RYK: variants seen among roughly 807,000 people sequenced by gnomAD.
The protein encoded by RYK is receptor like tyrosine kinase.
RYK carries 21 observed loss-of-function variants against 70.2 expected under a neutral mutation model. That is an observed-to-expected ratio of 0.30 (90% CI 0.21 to 0.43). RYK has a LOEUF of 0.43. Among genes scored for constraint, RYK ranks in the 20% least tolerant of loss-of-function variants. The probability of loss-of-function intolerance (pLI) is 1.00; values close to 1 mark genes in which losing one functional copy is unlikely to be tolerated. For synonymous variants in RYK, 267 were observed against 278.0 expected (o/e 0.96, Z 0.39); for missense variants, 604 against 753.3 (o/e 0.80, Z 2.32).
At chr3:134,177,917 G>T in intron 11 of RYK, 24 bp downstream of exon 11, 2 of 1,592,048 alleles carry the variant, frequency 1.3e-6, no homozygotes, top group Non-Finnish European at 1.7e-6. Context: ...GTAAATAATT[G>T]GTATTTGGGC....
In RYK at chr3:134,236,054, G is replaced by GA. The variant is rs544972657; in HGVS notation, c.233-13516dup. On this transcript the variant is annotated intron_variant, in intron 1 of 14. Coordinates refer to ENST00000623711, the MANE Select transcript of RYK (RefSeq NM_002958.4). ...AACTGGGACACCCGCATGGTCAAAG[G>GA]AAAAAAAAAATCAGGGTAGGTTCTA... 1.6e-3 allele frequency among the ~76,000 whole-genome samples: 232 copies of GA among 147,818 alleles called. 6 individuals are homozygous for GA. In the South Asian group the frequency reaches 0.031, roughly 20 times the overall value.
chr3:134,162,216 G>C (rs1427843190), intron 13 of RYK, among the ~76,000 whole-genome samples: 1 of 150,348 alleles, frequency 6.7e-6, no homozygotes, highest in Non-Finnish European at 1.5e-5. Flanking sequence ...TGAGGTACTG[G>C]GGGTTAGGGC....
chr3:134,179,658 G>GCTGTA (rs1560005109), intron 10 of RYK: 1 of 152,202 alleles, frequency 6.6e-6, no homozygotes, highest in East Asian at 1.9e-4. Flanking sequence ...GAGCAAGGGA[G>GCTGTA]ATCACATGGG....
intron 1 of RYK, among the ~76,000 whole-genome samples, chr3:134,245,573 G>T (rs1234319567): frequency 6.6e-6 from 1 of 152,056 alleles, no homozygotes. Flanking sequence ...CTAGACAAGG[G>T]GGGAGCCACC....
At chr3:134,246,749 T>G (rs2015478062) in intron 1 of RYK, among the ~76,000 whole-genome samples, 1 of 152,150 alleles carries the variant, frequency 6.6e-6, no homozygotes, top group African/African-American at 2.4e-5. Flanking sequence ...CTCCCATCAT[T>G]CCTTCCTAAG....
At chr3:134,172,937 G>A (rs562734558) in intron 13 of RYK, among the ~76,000 whole-genome samples, 2 of 152,238 alleles carry the variant, frequency 1.3e-5, no homozygotes, top group Non-Finnish European at 2.9e-5. Flanking sequence ...TGGACAACAT[G>A]AAACAGGTTG....
chr3:134,231,753 C>T (rs898929890), intron 1 of RYK, among the ~76,000 whole-genome samples: 1 of 152,186 alleles, frequency 6.6e-6, no homozygotes, highest in Non-Finnish European at 1.5e-5. Context: ...GCCATGGCCA[C>T]TTCAGATGAC....
chr3:134,205,479 T>C lies in RYK; in HGVS notation c.643+1993A>G, dbSNP rs143869141. On this transcript the variant is annotated intron_variant, in intron 5 of 14. Transcript: ENST00000623711. ...TTACCTTATGCCACAGGAAAGCTATTCAATCTTGGGAGGGACAGAAAAAAA... is the reference window on the plus strand; with the variant it reads ...TTACCTTATGCCACAGGAAAGCTATCCAATCTTGGGAGGGACAGAAAAAAA... Among the ~76,000 whole-genome samples the C allele has an allele frequency of 2.9e-3, 446 of 152,294 alleles. 1 individual carries two copies. Among genetic ancestry groups the C allele is most frequent in the African/African-American group, 0.01 (417 of 41,566 alleles).
chr3:134,182,924 A>G, intron 10 of RYK, 78 bp downstream of exon 10: 1 of 845,704 alleles, frequency 1.2e-6, no homozygotes, highest in Non-Finnish European at 1.8e-6. Flanking sequence ...AGAAGTCATC[A>G]CAATGTTCTG....
intron 13 of RYK, among the ~76,000 whole-genome samples, chr3:134,172,815 C>T (rs2108148769): frequency 6.6e-6 from 1 of 152,304 alleles, no homozygotes; most frequent in South Asian, 2.1e-4. Flanking sequence ...TAGTACCCCA[C>T]TGCTCTATAA....
At chr3:134,241,303 T>C (rs896387276) in intron 1 of RYK, among the ~76,000 whole-genome samples, 13 of 151,474 alleles carry the variant, frequency 8.6e-5, no homozygotes, top group African/African-American at 3.2e-4. Context: ...TGAGCTGAGA[T>C]TGCACCACTG....
At chr3:134,207,349 T>C (rs956936944) in intron 5 of RYK, 123 bp downstream of exon 5, 1 of 513,842 alleles carries the variant, frequency 1.9e-6, no homozygotes, top group Non-Finnish European at 3.4e-6. Context: ...ACCAGCAAAA[T>C]AACAGCATGG....
At chr3:134,233,692 T>C (rs1289745176) in intron 1 of RYK, among the ~76,000 whole-genome samples, 1 of 152,164 alleles carries the variant, frequency 6.6e-6, no homozygotes, top group African/African-American at 2.4e-5. Context: ...ACTAAACTGC[T>C]CCCTGTTCAT....
chr3:134,167,084 G>A (rs2012699489), intron 13 of RYK, among the ~76,000 whole-genome samples: 1 of 151,624 alleles, frequency 6.6e-6, no homozygotes, highest in South Asian at 2.1e-4. Context: ...CAACTATAAA[G>A]GAAACAAATA....
Position 134,202,830 on chromosome 3 carries a change from A to G in RYK, c.688T>C (p.Tyr230His). 1 of 1,613,746 alleles carries G rather than the reference A, an allele frequency of 6.2e-7. No individual in the cohort carries two copies. The highest frequency in any genetic ancestry group is 8.5e-7 in the Non-Finnish European group (1 of 1,179,688). The change falls in exon 6 of 15, where the codon TAT (tyrosine) becomes CAT (histidine). Residue 230 changes from tyrosine (Y) to histidine (H), a missense_variant. Transcript: ENST00000623711. ...GCACAACAAACCCCTACACTAATAT[A>G]AAACACACGCGTAGAAGTGGTTGGA... ...AAPTTSTRVF[Y>H]ISVGVCCAVI...
At chr3:134,184,696 T>C (rs1432927282) in intron 9 of RYK, among the ~76,000 whole-genome samples, 2 of 151,884 alleles carry the variant, frequency 1.3e-5, no homozygotes, top group Non-Finnish European at 2.9e-5. Flanking sequence ...GCCAAGGACA[T>C]CAAGGTTGCA....
rs749298691 is a variant in RYK at position 134,201,487 on chromosome 3, A to C, written c.788+1243T>G. Among the ~76,000 whole-genome samples, 23 of 152,330 alleles carry C rather than the reference A, an allele frequency of 1.5e-4. No homozygotes were observed. In the South Asian group the frequency reaches 2.1e-3, roughly 14 times the overall value. On this transcript the variant is annotated intron_variant, in intron 6 of 14. Transcript: ENST00000623711. ...TTCTAAAGGTAAGACAATTACACAA[A>C]AAATTATAGAAGAAAAAGTGCAATA... is the stretch of plus-strand genomic sequence containing the variant.
rs71624038 is a variant in RYK, at chr3:134,249,917, G to GTTTTTTTTTTTTTTTTTTTTTT, written c.232+484_232+505dup. On this transcript the variant is annotated intron_variant, in intron 1 of 14. Coordinates refer to ENST00000623711, the MANE Select transcript of RYK (RefSeq NM_002958.4). ...TATAACCTCCCCTTCTTTCTCTCTC[G>GTTTTTTTTTTTTTTTTTTTTTT]TTTTTTTTTTTTTTTTTTTTTTTTT... Among the ~76,000 whole-genome samples the GTTTTTTTTTTTTTTTTTTTTTT allele has an allele frequency of 1.7e-4, 16 of 93,338 alleles. 2 individuals are homozygous for GTTTTTTTTTTTTTTTTTTTTTT. The highest frequency in any genetic ancestry group is 8.5e-4 in the African/African-American group (16 of 18,906). 61.2% of individuals were successfully genotyped at this position (93,338 alleles called of 152,430 possible).
At chr3:134,209,963 A>G in intron 3 of RYK, 134 bp from the exon 4 acceptor site, 2 of 702,232 alleles carry the variant, frequency 2.8e-6, no homozygotes, top group South Asian at 4.4e-5. Flanking sequence ...ATTTAAATAA[A>G]GTAACTAAAC....
Sources: allele counts gnomAD v4.1 joint callset (sites outside exome capture counted in the v4.1 genomes callset), GRCh38; gene constraint gnomAD v4.1.1; transcripts MANE v1.5; gene names NCBI Gene and HGNC (gene_info 2026-07-23, HGNC 2026-07-21).